Variants in ETHE1 observed in about 807,000 individuals in gnomAD.
The protein encoded by ETHE1 is persulfide dioxygenase ETHE1, mitochondrial.
ETHE1 carries 16 observed loss-of-function variants against 25.7 expected under a neutral mutation model. The ratio of observed to expected loss-of-function variants is 0.62; its 90% CI spans 0.42 to 0.95. ETHE1 has a LOEUF of 0.95. Ranked by LOEUF, ETHE1 falls within the 40% of genes least tolerant of loss-of-function variation. The pLI is 0.00. For synonymous variants in ETHE1, 139 were observed against 135.9 expected (o/e 1.02, Z -0.16); for missense variants, 300 against 333.6 (o/e 0.90, Z 0.79).
intron 6 of ETHE1, 53 bp from the exon 7 acceptor site, chr19:43,506,955 C>A (rs1190636458): frequency 2.5e-6 from 4 of 1,583,220 alleles, no homozygotes; most frequent in Middle Eastern, 1.7e-4. Flanking sequence ...GAGTTCCAGG[C>A]CCCACTGGAG....
chr19:43,512,012 C>T (rs1269639881), intron 3 of ETHE1, among the ~76,000 whole-genome samples: 1 of 152,154 alleles, frequency 6.6e-6, no homozygotes, highest in Non-Finnish European at 1.5e-5. Flanking sequence ...TTCCCCTGCA[C>T]ACTCTCTCTT....
At chr19:43,520,226 C>G (rs1189175089) in intron 3 of ETHE1, among the ~76,000 whole-genome samples, 1 of 151,600 alleles carries the variant, frequency 6.6e-6, no homozygotes, top group Non-Finnish European at 1.5e-5. Flanking sequence ...TGTGGTGGCA[C>G]TCGCCTGTAA....
At chr19:43,513,473 A>T (rs1308730207) in intron 3 of ETHE1, among the ~76,000 whole-genome samples, 1 of 152,210 alleles carries the variant, frequency 6.6e-6, no homozygotes. Context: ...CATCAGCATG[A>T]CCTGGATTTG....
At chr19:43,526,824 C>T in intron 1 of ETHE1, 165 bp from the exon 2 acceptor site, 1 of 1,503,120 alleles carries the variant, frequency 6.7e-7, no homozygotes, top group Non-Finnish European at 8.9e-7. Context: ...CTTCCCCTAT[C>T]AGAACAAAAG....
chr19:43,515,363 G>A (rs553280954), intron 3 of ETHE1, among the ~76,000 whole-genome samples: 96 of 147,762 alleles, frequency 6.5e-4, no homozygotes, highest in African/African-American at 2.3e-3. Flanking sequence ...GTTGCAGTGA[G>A]CCAAGATTGC....
chr19:43,515,663 C>A (rs546022128), intron 3 of ETHE1, among the ~76,000 whole-genome samples: 6 of 152,220 alleles, frequency 3.9e-5, no homozygotes, highest in Non-Finnish European at 1.5e-5. Context: ...CAACCTCCCC[C>A]TCCTGGGTTC....
chr19:43,506,883 G>A lies in ETHE1; in HGVS notation c.732C>T (p.Asn244=). 1 of 1,613,890 alleles carries A rather than the reference G, an allele frequency of 6.2e-7. No individual in the cohort carries two copies. ...TGGGTGTCTGCACCCCACAGCGCAT[G>A]TTGGCTGGAACAGCAAAGTCTGAAA... is the stretch of plus-strand genomic sequence containing the variant. ...PQQIDFAVPA[N]MRCGVQTPTA The change falls in exon 7 of 7, where the codon AAC becomes AAT. Residue 244 remains asparagine (N), a synonymous_variant. Coordinates refer to ENST00000292147, the MANE Select transcript of ETHE1 (RefSeq NM_014297.5).
At chr19:43,511,387 C>T in intron 4 of ETHE1, 50 bp downstream of exon 4, 1 of 1,613,568 alleles carries the variant, frequency 6.2e-7, no homozygotes, top group South Asian at 1.1e-5. Context: ...CAACACTTGA[C>T]ACACACGTAA....
At position 43,511,487 on chromosome 19, in the gene ETHE1, G is replaced by A. The variant is rs1317633085; in HGVS notation, c.455C>T (p.Thr152Ile). 1 of 1,614,210 alleles carries A rather than the reference G, an allele frequency of 6.2e-7. No homozygotes were observed. Among genetic ancestry groups the A allele is most frequent in the Admixed American group, 1.7e-5 (1 of 60,016 alleles). ...CCCACGGATCAACAGGGCATCTCCA[G>A]TGAAGGCCATGCTGTGGTCATTCAG... The part of the protein sequence containing the change: ...FVLNDHSMAF[T>I]GDALLIRGCG... The change falls in exon 4 of 7, where the codon ACT becomes ATT. Residue 152 changes from threonine to isoleucine, a missense_variant. Thr to Ile is a moderately conservative substitution (Grantham distance 89, BLOSUM62 -1). Coordinates refer to ENST00000292147, the MANE Select transcript of ETHE1 (RefSeq NM_014297.5).
chr19:43,508,667 A>G lies in ETHE1; in HGVS notation c.595+108T>C, dbSNP rs1035160132. ...CTCAAACACTTAATTTTTTTTGGCC[A>G]GAGAAATTTCTGAGACTGGTCGTCT... On this transcript the variant is annotated intron_variant, in intron 5 of 6. Coordinates refer to ENST00000292147, the MANE Select transcript of ETHE1 (RefSeq NM_014297.5). 99 of 969,008 alleles carry G rather than the reference A, an allele frequency of 1.0e-4. No homozygotes were observed. In the African/African-American group the frequency reaches 1.4e-3, roughly 14 times the overall value. 60.0% of individuals were successfully genotyped at this position (969,008 alleles called of 1,614,324 possible).
At position 43,514,269 on chromosome 19, in the gene ETHE1, C is replaced by T. The variant is rs183804538; in HGVS notation, c.376-2703G>A. 4.9e-3 allele frequency among the ~76,000 whole-genome samples: 741 copies of T among 152,012 alleles called. 4 individuals carry two copies. Among genetic ancestry groups the T allele is most frequent in the African/African-American group, 0.016 (676 of 41,446 alleles). ...AATTGAATCATGGGGGTGGGTTTTTCCCATGCTATTCTCATGATAGTGAAT... is the reference window on the plus strand; with the variant it reads ...AATTGAATCATGGGGGTGGGTTTTTTCCATGCTATTCTCATGATAGTGAAT... On this transcript the variant is annotated intron_variant, in intron 3 of 6. Transcript: ENST00000292147.
rs767043458 is a variant in ETHE1, at chr19:43,514,485, C to CTTTT, written c.376-2923_376-2920dup. Among the ~76,000 whole-genome samples, 220 of 113,210 alleles carry CTTTT rather than the reference C, an allele frequency of 1.9e-3. 3 individuals carry two copies. The highest frequency in any genetic ancestry group is 2.6e-3 in the Non-Finnish European group (151 of 57,944). The allele number at this position is 113,210 out of a possible 152,430, so 74.3% of individuals were successfully genotyped here. A position where few individuals can be genotyped will look rare whatever the true frequency, so the allele number is the denominator to read the frequency against. On this transcript the variant is annotated intron_variant, in intron 3 of 6. Coordinates refer to ENST00000292147, the MANE Select transcript of ETHE1 (RefSeq NM_014297.5). The stretch of plus-strand genomic sequence containing the variant: ...ATAAATGACCCAGTCTTGGGTATGT[C>CTTTT]TTTTTTTTTTTTTTTTTTTTGAGAC...
intron 3 of ETHE1, among the ~76,000 whole-genome samples, chr19:43,522,661 A>G (rs1972159326): frequency 6.6e-6 from 1 of 151,986 alleles, no homozygotes; most frequent in Admixed American, 6.6e-5. Context: ...TTGTATTTTT[A>G]GTAGAGATGG....
At position 43,511,576 on chromosome 19, in the gene ETHE1, G is replaced by A. The variant is rs1971918676; in HGVS notation, c.376-10C>T. 6.2e-7 allele frequency: 1 copy of A among 1,612,230 alleles called. No individual in the cohort carries two copies. The highest frequency in any genetic ancestry group is 1.1e-5 in the South Asian group (1 of 91,070). ...CCCTGGTCTCCAACGCCTGGCAGGG[G>A]TGGAAGAGTACAGAGATAGTCACCA... is the stretch of plus-strand genomic sequence containing the variant. On this transcript the variant is annotated splice_polypyrimidine_tract_variant and intron_variant, in intron 3 of 6. Transcript: ENST00000292147.
rs761653656 is a variant in ETHE1, at chr19:43,527,132, G to T, written c.46C>A (p.Arg16Ser). ...AGGATGGGGGCTCCAGACCCGCCGC[G>T]CTGGCTCAGCTGCCGCCGGGCGACC... ...LRVARRQLSQ[R>S]GGSGAPILLR... The change falls in exon 1 of 7, where the codon CGC becomes AGC. Residue 16 changes from arginine (R) to serine (S), a missense_variant. Transcript: ENST00000292147. The T allele has an allele frequency of 7.1e-6, 11 of 1,552,944 alleles. No homozygotes were observed. Among genetic ancestry groups the T allele is most frequent in the Non-Finnish European group, 9.5e-6 (11 of 1,152,726 alleles).
Position 43,506,738 on chromosome 19 carries a change from A to G in ETHE1, c.*112T>C. ...TCAGACTCACGTTAAAAAAAGTTTT[A>G]TTTAGGGAGCTCCAGGGAATGCGGT... On this transcript the variant is annotated 3_prime_UTR_variant, in exon 7 of 7. Coordinates refer to ENST00000292147, the MANE Select transcript of ETHE1 (RefSeq NM_014297.5). 2 of 1,080,060 alleles carry G rather than the reference A, an allele frequency of 1.9e-6. No individual in the cohort carries two copies. The highest frequency in any genetic ancestry group is 1.3e-5 in the South Asian group (1 of 78,852). 66.9% of individuals were successfully genotyped at this position (1,080,060 alleles called of 1,614,324 possible).
At position 43,527,181 on chromosome 19, in the gene ETHE1, G is replaced by T; in HGVS notation, c.-4C>A. 1 of 1,537,046 alleles carries T rather than the reference G, an allele frequency of 6.5e-7. No individual in the cohort carries two copies. The highest frequency in any genetic ancestry group is 1.2e-5 in the South Asian group (1 of 84,006). On this transcript the variant is annotated 5_prime_UTR_variant, in exon 1 of 7. Coordinates refer to ENST00000292147, the MANE Select transcript of ETHE1 (RefSeq NM_014297.5). Reference sequence around the variant, plus strand: ...CCCTCAGTACAGCCTCCGCCATCGCGCCCACTGCGGGGTCAGGAATGAGCG... The same window carrying T: ...CCCTCAGTACAGCCTCCGCCATCGCTCCCACTGCGGGGTCAGGAATGAGCG...
chr19:43,513,034 T>C (rs1971949766), intron 3 of ETHE1, among the ~76,000 whole-genome samples: 1 of 152,118 alleles, frequency 6.6e-6, no homozygotes, highest in South Asian at 2.1e-4. Context: ...CTTCAGAGGG[T>C]GCAAGCCCCA....
intron 1 of ETHE1, 158 bp downstream of exon 1, chr19:43,526,939 T>G: frequency 6.6e-7 from 1 of 1,509,308 alleles, no homozygotes; most frequent in Admixed American, 2.0e-5. Context: ...CCACTCACCT[T>G]TAAAGGACCC....
Sources: gnomAD v4.1 joint callset for allele counts (sites outside exome capture counted in the v4.1 genomes callset) on GRCh38, gnomAD v4.1.1 for gene constraint, MANE v1.5 for transcripts, NCBI Gene and HGNC (gene_info 2026-07-23, HGNC 2026-07-21) for gene names.